TMEM131: variants seen among roughly 807,000 people sequenced by gnomAD.
TMEM131 encodes the protein 2610524E03Rik.
Under a neutral mutation model 211.6 loss-of-function variants are expected in TMEM131, and 66 were observed. That is an observed-to-expected ratio of 0.31 (90% CI 0.26 to 0.38). The LOEUF is 0.38. Among genes scored for constraint, TMEM131 ranks in the 10% least tolerant of loss-of-function variants. The pLI is 1.00. For synonymous variants in TMEM131, 844 were observed against 841.3 expected, an observed-to-expected ratio of 1.00 and a Z score of -0.06; for missense variants, 2,036 against 2,299.3, an observed-to-expected ratio of 0.89 and a Z score of 2.34.
intron 11 of TMEM131, among the ~76,000 whole-genome samples, chr2:97,830,908 T>C (rs1682651184): frequency 6.6e-6 from 1 of 152,246 alleles, no homozygotes; most frequent in Non-Finnish European, 1.5e-5. Flanking sequence ...TAGCACTGCT[T>C]AGCAAATCCT....
chr2:97,777,969 T>C (rs1020598918), intron 31 of TMEM131, among the ~76,000 whole-genome samples: 5 of 152,324 alleles, frequency 3.3e-5, no homozygotes, highest in African/African-American at 9.6e-5. Flanking sequence ...TGGGATTTCT[T>C]ACATTCTGAG....
chr2:97,878,936 C>T (rs1204900926), intron 4 of TMEM131, among the ~76,000 whole-genome samples: 1 of 152,164 alleles, frequency 6.6e-6, no homozygotes, highest in African/African-American at 2.4e-5. Context: ...ATCTGCCTAC[C>T]ATGGTCATCC....
chr2:97,859,304 C>G lies in TMEM131; in HGVS notation c.483G>C (p.Arg161Ser). 1 of 1,589,248 alleles carries G rather than the reference C, an allele frequency of 6.3e-7. No individual in the cohort carries two copies. The highest frequency in any genetic ancestry group is 8.5e-7 in the Non-Finnish European group (1 of 1,172,986). Residue 161 changes from arginine to serine, a missense_variant and splice_region_variant, in exon 5 of 41, where the codon AGG (arginine) becomes AGC (serine). Coordinates refer to ENST00000186436, the MANE Select transcript of TMEM131 (RefSeq NM_015348.2). The part of the protein sequence containing the change: ...SHFHASFFQN[R>S]KILPGGNTSF... ...GATCATGTATAGCAGAGAAACTTAC[C>G]CTATTTTGAAAAAATGATGCATGAA...
At chr2:97,763,215 A>G (rs911549274) in intron 35 of TMEM131, 1 of 152,432 alleles carries the variant, frequency 6.6e-6, no homozygotes, top group Non-Finnish European at 1.5e-5. Flanking sequence ...CTGTAGCACA[A>G]GCTGCTTCTC....
intron 2 of TMEM131, among the ~76,000 whole-genome samples, chr2:97,920,381 G>A (rs1352646988): frequency 6.6e-6 from 1 of 152,186 alleles, no homozygotes; most frequent in African/African-American, 2.4e-5. Context: ...TGAGGAAAGT[G>A]TCAAAGAGGA....
intron 3 of TMEM131, among the ~76,000 whole-genome samples, chr2:97,906,198 T>C (rs778705075): frequency 3.9e-5 from 6 of 152,162 alleles, no homozygotes; most frequent in Non-Finnish European, 7.4e-5. Context: ...TCTGAGCCTC[T>C]AGAACTGTGA....
At chr2:97,800,821 T>A (rs1680999147) in intron 25 of TMEM131, among the ~76,000 whole-genome samples, 2 of 151,748 alleles carry the variant, frequency 1.3e-5, no homozygotes, top group African/African-American at 4.8e-5. Flanking sequence ...GCCTTCTAGA[T>A]AACTTCCAAT....
chr2:97,831,081 TGATAAGGTGGGAAATCTAAGCCA>T (rs1682659462), intron 11 of TMEM131, among the ~76,000 whole-genome samples: 1 of 152,234 alleles, frequency 6.6e-6, no homozygotes, highest in African/African-American at 2.4e-5. Flanking sequence ...GCCCCATAGC[TGATAAGGTGGGAAATCTAAGCCA>T]CCATCATTTC....
chr2:97,796,080 C>A (rs1680746213), intron 28 of TMEM131, 138 bp downstream of exon 28: 1 of 529,742 alleles, frequency 1.9e-6, no homozygotes, highest in South Asian at 3.6e-5. Flanking sequence ...TGAAGAAATA[C>A]CTTAGCCAAA....
intron 19 of TMEM131, among the ~76,000 whole-genome samples, chr2:97,806,818 C>A (rs1301664710): frequency 6.6e-6 from 1 of 152,034 alleles, no homozygotes; most frequent in Non-Finnish European, 1.5e-5. Context: ...AAGTGAAGAG[C>A]GTGCACAGGA....
intron 4 of TMEM131, among the ~76,000 whole-genome samples, chr2:97,886,663 C>T (rs1361615990): frequency 6.6e-6 from 1 of 152,056 alleles, no homozygotes; most frequent in Admixed American, 6.5e-5. Context: ...TGTGCATCCA[C>T]ACAGTGGGTC....
intron 1 of TMEM131, among the ~76,000 whole-genome samples, chr2:97,973,847 T>A (rs1180310446): frequency 1.3e-5 from 2 of 152,130 alleles, no homozygotes; most frequent in African/African-American, 4.8e-5. Flanking sequence ...ACTTAACACA[T>A]CTTAAAAGCA....
At chr2:97,870,539 C>A (rs1674449302) in intron 4 of TMEM131, among the ~76,000 whole-genome samples, 1 of 152,052 alleles carries the variant, frequency 6.6e-6, no homozygotes, top group Non-Finnish European at 1.5e-5. Context: ...ACGAACTGTC[C>A]ATATTTTCGA....
chr2:97,953,385 T>A (rs1678413596), intron 1 of TMEM131, among the ~76,000 whole-genome samples: 1 of 152,182 alleles, frequency 6.6e-6, no homozygotes, highest in African/African-American at 2.4e-5. Context: ...AAAACAGGTA[T>A]GGCTATGTTA....
intron 1 of TMEM131, among the ~76,000 whole-genome samples, chr2:97,971,683 A>ACTGTG (rs1679301260): frequency 6.6e-6 from 1 of 152,192 alleles, no homozygotes; most frequent in African/African-American, 2.4e-5. Flanking sequence ...ATAATGTCTT[A>ACTGTG]CTGTGTGTAG....
intron 5 of TMEM131, among the ~76,000 whole-genome samples, chr2:97,853,489 C>T (rs1360128378): frequency 6.6e-6 from 1 of 150,912 alleles, no homozygotes; most frequent in Non-Finnish European, 1.5e-5. Context: ...GCCTATAATC[C>T]CAGCTATTCA....
At chr2:97,949,817 CAAAAA>C (rs386390704) in intron 1 of TMEM131, among the ~76,000 whole-genome samples, 2 of 66,980 alleles carry the variant, frequency 3.0e-5, no homozygotes, top group African/African-American at 5.8e-5. Flanking sequence ...GAGACTGTCT[CAAAAA>C]AAAAAAAAAA....
intron 3 of TMEM131, among the ~76,000 whole-genome samples, chr2:97,892,382 G>C (rs1373282501): frequency 6.6e-6 from 1 of 151,910 alleles, no homozygotes; most frequent in Non-Finnish European, 1.5e-5. Flanking sequence ...TTTGAGATAG[G>C]GTCTCACTCT....
chr2:97,773,112 T>C (rs544565633), intron 32 of TMEM131, among the ~76,000 whole-genome samples: 2 of 152,298 alleles, frequency 1.3e-5, no homozygotes, highest in Non-Finnish European at 1.5e-5. Context: ...ACTCCAGCCA[T>C]GCACCCCATC....
Sources: gnomAD v4.1 joint callset for allele counts (sites outside exome capture counted in the v4.1 genomes callset) on GRCh38, gnomAD v4.1.1 for gene constraint, MANE v1.5 for transcripts, NCBI Gene and HGNC (gene_info 2026-07-23, HGNC 2026-07-21) for gene names.